The following RACGAP1 variants were observed in gnomAD, a reference collection of about 807,000 sequenced individuals.
RACGAP1 encodes the protein rac GTPase-activating protein 1.
Under a neutral mutation model 78.1 loss-of-function variants are expected in RACGAP1, and 30 were observed. The observed-to-expected ratio is 0.38, with a 90% CI of 0.29 to 0.52. RACGAP1 has a LOEUF of 0.52. RACGAP1 is among the 20% of genes least tolerant of loss of function. The pLI is 0.82. For missense variants in RACGAP1, 587 were observed against 777.1 expected (o/e 0.76, Z 2.91); for synonymous variants, 231 against 264.8 (o/e 0.87, Z 1.24).
chr12:50,025,322 G>A, intron 1 of RACGAP1, 76 bp downstream of exon 1: 2 of 985,728 alleles, frequency 2.0e-6, no homozygotes, highest in Non-Finnish European at 2.4e-6. Flanking sequence ...GGCGGCCACG[G>A]CTCACCACAC....
intron 7 of RACGAP1, 80 bp downstream of exon 7, chr12:50,001,092 A>G: frequency 8.7e-7 from 1 of 1,155,048 alleles, no homozygotes; most frequent in Non-Finnish European, 1.3e-6. Flanking sequence ...GTCTCTCAAA[A>G]CAATGCTGCA....
At position 49,992,569 on chromosome 12, in the gene RACGAP1, G is replaced by A; in HGVS notation, c.1426C>T (p.Leu476Phe). 6.2e-7 allele frequency: 1 copy of A among 1,613,934 alleles called. No homozygotes were observed. The highest frequency in any genetic ancestry group is 8.5e-7 in the Non-Finnish European group (1 of 1,179,942). ...ACTCACCTCTGCAAGTGAATCATGA[G>A]GAAAGCTAATGTGTCCCTGTTGGCC... ...PQANRDTLAF[L>F]MIHLQRVAQS... Residue 476 changes from leucine (L) to phenylalanine (F), a missense_variant, in exon 13 of 17, where the codon CTC becomes TTC. By Grantham distance (22) the Leu-to-Phe change is conservative. Coordinates refer to ENST00000312377, the MANE Select transcript of RACGAP1 (RefSeq NM_001319999.2).
chr12:50,025,140 C>A (rs1050042546), intron 1 of RACGAP1, among the ~76,000 whole-genome samples: 1 of 152,088 alleles, frequency 6.6e-6, no homozygotes, highest in Non-Finnish European at 1.5e-5. Flanking sequence ...GTCCAGCCAC[C>A]ACCTCAAAAA....
chr12:50,002,495 A>G lies in RACGAP1; in HGVS notation c.496-195T>C, dbSNP rs1210905233. ...TAGTAAGTTAATGTGCTTTCTTTGAAAAATTGAAGCTATTATAATAAAATC... is the reference window on the plus strand; with the variant it reads ...TAGTAAGTTAATGTGCTTTCTTTGAGAAATTGAAGCTATTATAATAAAATC... On this transcript the variant is annotated intron_variant, in intron 5 of 16. Transcript: ENST00000312377. The G allele has an allele frequency of 1.0e-5, 4 of 389,216 alleles. No individual in the cohort carries two copies. In the East Asian group the frequency reaches 1.5e-4, roughly 15 times the overall value. The allele number at this position is 389,216 out of a possible 1,614,324, so 24.1% of individuals were successfully genotyped here.
intron 6 of RACGAP1, 28 bp downstream of exon 6, chr12:50,002,219 A>T: frequency 6.3e-7 from 1 of 1,598,446 alleles, no homozygotes; most frequent in Non-Finnish European, 8.5e-7. Context: ...ACTTTGTTTT[A>T]AAAAAAGACT....
Position 49,999,680 on chromosome 12 carries a change from C to T in RACGAP1, c.684G>A (p.Gly228=). The T allele has an allele frequency of 6.2e-7, 1 of 1,614,208 alleles. No homozygotes were observed. The highest frequency in any genetic ancestry group is 2.2e-5 in the East Asian group (1 of 44,892). The stretch of plus-strand genomic sequence containing the variant: ...CAATAGTGGACACAGCTTCGATGGG[C>T]CCGCCATCATTGGGAACAGTCACTG... The part of the protein sequence containing the change: ...KTTVTVPNDG[G]PIEAVSTIET... The change falls in exon 8 of 17, where the codon GGG becomes GGA. Residue 228 remains glycine (G), a synonymous_variant. Transcript: ENST00000312377.
intron 1 of RACGAP1, among the ~76,000 whole-genome samples, chr12:50,024,093 G>T (rs566468942): frequency 2.6e-5 from 4 of 151,534 alleles, no homozygotes; most frequent in Non-Finnish European, 5.9e-5. Flanking sequence ...TCCGGGAGGC[G>T]GAGCTTGCAG....
At chr12:50,031,372 A>C (rs1950331757) in intron 2 of RACGAP1, among the ~76,000 whole-genome samples, 1 of 144,828 alleles carries the variant, frequency 6.9e-6, no homozygotes, top group Non-Finnish European at 1.5e-5. Context: ...CCAGCTACTC[A>C]GGAGACTGAG....
At chr12:50,010,539 G>T (rs549373980) in intron 2 of RACGAP1, among the ~76,000 whole-genome samples, 86 of 151,860 alleles carry the variant, frequency 5.7e-4, no homozygotes, top group African/African-American at 2.0e-3. Context: ...TGGTCAGACT[G>T]GTCTTGAACT....
chr12:50,032,415 G>T (rs971093273), intron 1 of RACGAP1, among the ~76,000 whole-genome samples: 11 of 152,150 alleles, frequency 7.2e-5, no homozygotes, highest in African/African-American at 2.7e-4. Context: ...ATGGATGGGG[G>T]TTGGAGATGC....
intron 2 of RACGAP1, among the ~76,000 whole-genome samples, chr12:50,015,900 A>T (rs769081779): frequency 4.0e-5 from 6 of 151,760 alleles, no homozygotes; most frequent in Non-Finnish European, 2.9e-5. Flanking sequence ...ATTCTTAAAA[A>T]AAAAGAAAAA....
In RACGAP1 at chr12:50,004,255, C is replaced by A. The variant is rs752080762; in HGVS notation, c.475G>T (p.Asp159Tyr). The A allele has an allele frequency of 3.1e-5, 50 of 1,605,952 alleles. No individual in the cohort carries two copies. Among genetic ancestry groups the A allele is most frequent in the Admixed American group, 3.3e-5 (2 of 59,914 alleles). ...SGSILSDISF[D>Y]KTDESLDWDS... is the part of the protein sequence containing the mutation. ...ATTACCAGTGATTCATCAGTCTTGT[C>A]AAAGCTGATATCTGATAAAATGGAA... Residue 159 changes from aspartate (D) to tyrosine (Y), a missense_variant, in exon 5 of 17, where the codon GAC becomes TAC. Transcript: ENST00000312377.
chr12:49,994,857 A>G (rs1948145946), intron 10 of RACGAP1, among the ~76,000 whole-genome samples: 1 of 152,238 alleles, frequency 6.6e-6, no homozygotes, highest in Non-Finnish European at 1.5e-5. Context: ...AGCCTTTAAT[A>G]TAAAATAATT....
rs146863556 is a variant in RACGAP1, at chr12:50,010,167, A to G, written c.86-3531T>C. Among the ~76,000 whole-genome samples, 1,104 of 152,304 alleles carry G rather than the reference A, an allele frequency of 7.2e-3. 14 individuals carry two copies. The highest frequency in any genetic ancestry group is 0.024 in the African/African-American group (1,017 of 41,570). On this transcript the variant is annotated intron_variant, in intron 2 of 16. Coordinates refer to ENST00000312377, the MANE Select transcript of RACGAP1 (RefSeq NM_001319999.2). ...ACCAATGATTTTTTTTAAAAAGCTC[A>G]GGCAGCTTATGAAAAATTAAAAATA...
chr12:50,009,968 G>A (rs1246281694), intron 2 of RACGAP1, among the ~76,000 whole-genome samples: 1 of 152,106 alleles, frequency 6.6e-6, no homozygotes, highest in Non-Finnish European at 1.5e-5. Flanking sequence ...TCTGTTTCAT[G>A]AGAAAAAAAT....
upstream of RACGAP1, among the ~76,000 whole-genome samples, chr12:50,026,511 G>A (rs1950269483): frequency 6.6e-6 from 1 of 152,206 alleles, no homozygotes; most frequent in African/African-American, 2.4e-5. Context: ...AAATTGCTAA[G>A]AGTAGATCTT....
chr12:49,997,296 A>T (rs1410465270), intron 9 of RACGAP1, 92 bp from the exon 10 acceptor site: 125 of 1,288,008 alleles, frequency 9.7e-5, no homozygotes, highest in Non-Finnish European at 1.2e-4. Context: ...TTTTTTTGAG[A>T]CCGAATCTCA....
intron 1 of RACGAP1, chr12:50,018,667 A>G (rs1468185151): frequency 3.9e-6 from 3 of 778,256 alleles, no homozygotes; most frequent in African/African-American, 3.6e-5. Context: ...ATTCACTTAT[A>G]TATCGTGAGA....
Position 49,992,673 on chromosome 12 carries a change from G to A in RACGAP1, c.1340-18C>T, listed in dbSNP as rs754322726. The stretch of plus-strand genomic sequence containing the variant: ...TGTGATTTCTGTAATTGAAAAGAAA[G>A]CACCAAGAGGCCTAGACTTCTTTCC... On this transcript the variant is annotated intron_variant, in intron 12 of 16. Transcript: ENST00000312377. 4.5e-5 allele frequency: 71 copies of A among 1,589,496 alleles called. 2 individuals are homozygous for A. In the South Asian group the frequency reaches 8.0e-4, roughly 18 times the overall value.
Sources: gnomAD v4.1 joint callset for allele counts (sites outside exome capture counted in the v4.1 genomes callset) on GRCh38, gnomAD v4.1.1 for gene constraint, MANE v1.5 for transcripts, NCBI Gene and HGNC (gene_info 2026-07-23, HGNC 2026-07-21) for gene names.